The following NT5DC3 variants were observed in gnomAD, a reference collection of about 807,000 sequenced individuals.
NT5DC3 encodes 5'-nucleotidase domain-containing protein 3.
NT5DC3 carries 42 observed loss-of-function variants against 67.8 expected under a neutral mutation model. The observed-to-expected ratio is 0.62, with a 90% CI of 0.48 to 0.80. The LOEUF is 0.80. Ranked by LOEUF, NT5DC3 falls within the 30% of genes least tolerant of loss-of-function variation. The pLI, the probability that NT5DC3 is intolerant of heterozygous loss-of-function variation, is 0.00. For synonymous variants in NT5DC3, 237 were observed against 255.6 expected (o/e 0.93, Z 0.69); for missense variants, 570 against 696.4 (o/e 0.82, Z 2.04).
At chr12:103,766,555 C>T, downstream of NT5DC3, 1 of 541,396 alleles carries the variant, frequency 1.8e-6, no homozygotes, top group Non-Finnish European at 3.3e-6. Context: ...GCTCTTCTTC[C>T]TTTGTACTCT....
the NT5DC3 span, chr12:103,763,544 T>C: frequency 6.2e-7 from 1 of 1,614,046 alleles, no homozygotes; most frequent in South Asian, 1.1e-5. Context: ...CCTGAGAATA[T>C]CTCGAACCCC....
chr12:103,759,335 A>G, the NT5DC3 span: 41 of 1,591,504 alleles, frequency 2.6e-5, no homozygotes, highest in Non-Finnish European at 3.1e-5. Flanking sequence ...TTCCTGGCAT[A>G]CAGTAGGTGC....
the NT5DC3 span, chr12:103,755,713 C>T: frequency 6.2e-7 from 1 of 1,614,134 alleles, no homozygotes; most frequent in East Asian, 2.2e-5. Flanking sequence ...CACAAACTTC[C>T]TGACGGTATG....
intron 1 of NT5DC3, among the ~76,000 whole-genome samples, chr12:103,818,779 AGAG>A (rs1887370680): frequency 1.3e-5 from 2 of 152,222 alleles, no homozygotes; most frequent in Admixed American, 1.3e-4. Context: ...GTTCTAGGGA[AGAG>A]GAGAAGCTGG....
intron 1 of NT5DC3, among the ~76,000 whole-genome samples, chr12:103,838,502 G>A (rs1888244506): frequency 6.6e-6 from 1 of 152,184 alleles, no homozygotes; most frequent in Non-Finnish European, 1.5e-5. Context: ...CATAAATCAG[G>A]ATGGCAAAAA....
In NT5DC3 at chr12:103,785,431, T is replaced by C; in HGVS notation, c.1233A>G (p.Pro411=). Reference sequence around the variant, plus strand: ...TGATTTTGAGCTCAGATCTCAACTCTGGGATGATTGCACCAGTCCTCCAGC... The same window carrying C: ...TGATTTTGAGCTCAGATCTCAACTCCGGGATGATTGCACCAGTCCTCCAGC... ...KHGWRTGAII[P]ELRSELKIMN... is the part of the protein sequence containing the mutation. Residue 411 remains proline, a synonymous_variant, in exon 12 of 14, where the codon CCA becomes CCG. Coordinates refer to ENST00000392876, the MANE Select transcript of NT5DC3 (RefSeq NM_001031701.3). The C allele has an allele frequency of 1.2e-6, 2 of 1,614,140 alleles. No individual in the cohort carries two copies. Among genetic ancestry groups the C allele is most frequent in the Middle Eastern group, 1.6e-4 (1 of 6,062 alleles).
At position 103,840,931 on chromosome 12, in the gene NT5DC3, G is replaced by A; in HGVS notation, c.208+18C>T. 1 of 1,336,488 alleles carries A rather than the reference G, an allele frequency of 7.5e-7. No homozygotes were observed. Among genetic ancestry groups the A allele is most frequent in the Non-Finnish European group, 9.7e-7 (1 of 1,030,124 alleles). The allele number at this position is 1,336,488 out of a possible 1,614,324, so 82.8% of individuals were successfully genotyped here. ...GGAGGGGCCCCAGGCGCCGGGGCGG[G>A]GTCGCCGCCTCACTCACCTTCTGTG... On this transcript the variant is annotated intron_variant, in intron 1 of 13. Transcript: ENST00000392876.
At chr12:103,750,807 C>G in the NT5DC3 span, 1 of 1,461,630 alleles carries the variant, frequency 6.8e-7, no homozygotes, top group South Asian at 1.4e-5. Context: ...AAAAACAAAA[C>G]AGGCCAAGCC....
downstream of NT5DC3, among the ~76,000 whole-genome samples, chr12:103,767,883 C>A (rs1475610019): frequency 1.3e-5 from 2 of 151,300 alleles, no homozygotes; most frequent in Non-Finnish European, 2.9e-5. Context: ...GAGTTCGAGA[C>A]CAGCCTGACT....
At chr12:103,753,346 C>G in the NT5DC3 span, 1 of 1,614,108 alleles carries the variant, frequency 6.2e-7, no homozygotes, top group Admixed American at 1.7e-5. Context: ...CTCTCCTATG[C>G]CCAGAAGGTG....
At chr12:103,754,967 G>T in the NT5DC3 span, 1 of 223,600 alleles carries the variant, frequency 4.5e-6, no homozygotes. Context: ...AAAAATTTGA[G>T]TTCTATCATC....
At chr12:103,788,474 T>C (rs1020304111) in intron 10 of NT5DC3, among the ~76,000 whole-genome samples, 1 of 152,152 alleles carries the variant, frequency 6.6e-6, no homozygotes, top group African/African-American at 2.4e-5. Flanking sequence ...CTCACAAAAT[T>C]GTGTACAAAA....
chr12:103,749,839 C>CAAAAAAA, the NT5DC3 span, among the ~76,000 whole-genome samples: 1 of 18,262 alleles, frequency 5.5e-5, no homozygotes, highest in African/African-American at 2.7e-4. Context: ...GACTCTGTCT[C>CAAAAAAA]ACAAAAAAAA....
downstream of NT5DC3, among the ~76,000 whole-genome samples, chr12:103,771,783 A>G (rs142678872): frequency 4.6e-3 from 693 of 152,296 alleles, 4 homozygotes; most frequent in African/African-American, 0.016. Context: ...TGGAAGCCCC[A>G]AGTGTCTTAT....
chr12:103,786,515 C>A (rs1279641740), intron 11 of NT5DC3, among the ~76,000 whole-genome samples: 1 of 101,326 alleles, frequency 9.9e-6, no homozygotes, highest in African/African-American at 4.2e-5. Context: ...ACCATAGGAA[C>A]TCAGGCTTTT....
At chr12:103,831,437 C>T (rs1476365237) in intron 1 of NT5DC3, among the ~76,000 whole-genome samples, 1 of 152,130 alleles carries the variant, frequency 6.6e-6, no homozygotes, top group Non-Finnish European at 1.5e-5. Context: ...ATACAGATTG[C>T]CAGACAATAC....
At chr12:103,831,048 T>C (rs1212300380) in intron 1 of NT5DC3, among the ~76,000 whole-genome samples, 1 of 152,220 alleles carries the variant, frequency 6.6e-6, no homozygotes, top group African/African-American at 2.4e-5. Flanking sequence ...CAGATCACTA[T>C]CACTCAGTTT....
At chr12:103,788,810 CA>C (rs35298578) in intron 10 of NT5DC3, 27 bp downstream of exon 10, 2 of 1,495,110 alleles carry the variant, frequency 1.3e-6, no homozygotes, top group Non-Finnish European at 1.9e-6. Context: ...AGCAAAGCAA[CA>C]AAAAGGATCA....
chr12:103,779,188 A>T (rs912576427), intron 13 of NT5DC3, among the ~76,000 whole-genome samples: 11 of 152,194 alleles, frequency 7.2e-5, no homozygotes, highest in African/African-American at 2.2e-4. Flanking sequence ...AATGCCTCCC[A>T]GCCTCCTCGG....
Sources: gnomAD v4.1 joint callset for allele counts (sites outside exome capture counted in the v4.1 genomes callset) on GRCh38, gnomAD v4.1.1 for gene constraint, MANE v1.5 for transcripts, NCBI Gene and HGNC (gene_info 2026-07-23, HGNC 2026-07-21) for gene names.